Variants in AOPEP observed in about 807,000 individuals in gnomAD.
AOPEP encodes aminopeptidase O.
AOPEP carries 77 observed loss-of-function variants against 98.1 expected under a neutral mutation model. The observed-to-expected ratio is 0.78, with a 90% CI of 0.65 to 0.95. The LOEUF (loss-of-function observed/expected upper bound fraction) is 0.95. AOPEP is among the 40% of genes least tolerant of loss of function. The pLI is 0.00. For missense variants in AOPEP, 1,024 were observed against 1,024.7 expected (o/e 1.00, Z 0.01); for synonymous variants, 346 against 365.3 (o/e 0.95, Z 0.60).
chr9:94,729,710 A>G (rs1487115533), intron 1 of AOPEP, among the ~76,000 whole-genome samples: 3 of 152,108 alleles, frequency 2.0e-5, no homozygotes, highest in Non-Finnish European at 4.4e-5. Flanking sequence ...GTCTCTGCCT[A>G]TTAGATGCCT....
chr9:94,734,178 G>C (rs1185763659), intron 1 of AOPEP, among the ~76,000 whole-genome samples: 2 of 152,260 alleles, frequency 1.3e-5, no homozygotes, highest in African/African-American at 4.8e-5. Context: ...CTGCAGCGCC[G>C]GGAACATGAT....
intron 5 of AOPEP, among the ~76,000 whole-genome samples, chr9:94,881,154 T>C (rs1746057750): frequency 6.6e-6 from 1 of 152,178 alleles, no homozygotes; most frequent in African/African-American, 2.4e-5. Flanking sequence ...TTTAATAGAC[T>C]TTCCACAGCA....
At chr9:94,944,970 C>T (rs541350184) in intron 7 of AOPEP, among the ~76,000 whole-genome samples, 3 of 152,210 alleles carry the variant, frequency 2.0e-5, no homozygotes, top group Non-Finnish European at 4.4e-5. Flanking sequence ...TCTCATAATA[C>T]CCCTGTAGCC....
At chr9:95,086,095 C>G in intron 16 of AOPEP, 1 of 1,367,402 alleles carries the variant, frequency 7.3e-7, no homozygotes, top group Non-Finnish European at 9.8e-7. Flanking sequence ...GGAGTCGAGC[C>G]CTTGAGCAAA....
At chr9:94,982,737 C>T (rs747501843) in intron 11 of AOPEP, among the ~76,000 whole-genome samples, 2 of 151,974 alleles carry the variant, frequency 1.3e-5, no homozygotes, top group East Asian at 1.9e-4. Flanking sequence ...CAAACTTATT[C>T]GGGGCCTACC....
intron 1 of AOPEP, among the ~76,000 whole-genome samples, chr9:94,750,722 G>A (rs1835514401): frequency 6.6e-6 from 1 of 151,660 alleles, no homozygotes; most frequent in African/African-American, 2.4e-5. Flanking sequence ...TCATCTCCAA[G>A]GTCTGATGAT....
chr9:95,005,882 T>C, intron 13 of AOPEP: 1 of 556,156 alleles, frequency 1.8e-6, no homozygotes, highest in Non-Finnish European at 3.3e-6. Context: ...GGTTCCATTA[T>C]TATTTTAGAT....
At chr9:95,104,488 G>A in the AOPEP span, among the ~76,000 whole-genome samples, 381 of 152,258 alleles carry the variant, frequency 2.5e-3, 1 homozygote, top group Non-Finnish European at 4.4e-3. Context: ...CCGCAGCAGG[G>A]GCTGAACCAC....
downstream of AOPEP, among the ~76,000 whole-genome samples, chr9:95,088,177 A>T (rs1340043735): frequency 6.6e-6 from 1 of 150,956 alleles, no homozygotes; most frequent in Admixed American, 6.6e-5. Context: ...AGAATGAACG[A>T]TGCTTTCTCT....
At chr9:94,789,534 C>T (rs114556609) in intron 3 of AOPEP, among the ~76,000 whole-genome samples, 3,049 of 152,206 alleles carry the variant, frequency 0.02, 50 homozygotes, top group African/African-American at 0.043. Context: ...TCCATCTGCA[C>T]GCTCCTTTCT....
At chr9:94,773,669 G>A (rs1198330459) in intron 3 of AOPEP, among the ~76,000 whole-genome samples, 1 of 152,216 alleles carries the variant, frequency 6.6e-6, no homozygotes, top group Non-Finnish European at 1.5e-5. Context: ...AAGATGGAAG[G>A]CAGTGCTAAT....
At chr9:94,888,328 T>TGTGC (rs1350079713) in intron 5 of AOPEP, among the ~76,000 whole-genome samples, 1 of 151,872 alleles carries the variant, frequency 6.6e-6, no homozygotes, top group African/African-American at 2.4e-5. Context: ...TGTGTGTGTG[T>TGTGC]GTGTACTTTT....
In AOPEP at chr9:94,759,850, G is replaced by A; in HGVS notation, c.67G>A (p.Val23Met). 2 of 1,614,112 alleles carry A rather than the reference G, an allele frequency of 1.2e-6. No individual in the cohort carries two copies. Among genetic ancestry groups the A allele is most frequent in the South Asian group, 1.1e-5 (1 of 91,072 alleles). ...CATGGCCAACACCAGCCACATACTT[G>A]TGAAGCACTATGTACTGGATTTGGA... ...PLMANTSHIL[V>M]KHYVLDLDVD... The change falls in exon 2 of 17, where the codon GTG becomes ATG. Residue 23 changes from valine to methionine, a missense_variant. Physicochemically the swap from Val to Met is conservative, Grantham distance 21. This residue lies in a region of AOPEP where 440 missense variants were observed against 433.8 expected (regional missense o/e 1.01). Coordinates refer to ENST00000375315, the MANE Select transcript of AOPEP (RefSeq NM_001193329.3).
At chr9:94,909,309 C>T (rs927379131) in intron 5 of AOPEP, among the ~76,000 whole-genome samples, 3 of 120,972 alleles carry the variant, frequency 2.5e-5, no homozygotes, top group African/African-American at 3.2e-5. Flanking sequence ...TTTTTTCACA[C>T]AGATGTGTTC....
At chr9:95,069,027 G>C (rs1238968563) in intron 14 of AOPEP, among the ~76,000 whole-genome samples, 1 of 141,820 alleles carries the variant, frequency 7.1e-6, no homozygotes, top group Non-Finnish European at 1.6e-5. Context: ...GCACCCTTTC[G>C]TGGCTTTTGT....
chr9:94,749,053 G>A (rs989528468), intron 1 of AOPEP, among the ~76,000 whole-genome samples: 1 of 152,060 alleles, frequency 6.6e-6, no homozygotes, highest in African/African-American at 2.4e-5. Context: ...TATCTACATC[G>A]ATTTTTTGGA....
chr9:94,909,394 A>AG (rs1321974180), intron 5 of AOPEP, among the ~76,000 whole-genome samples: 1 of 149,342 alleles, frequency 6.7e-6, no homozygotes, highest in Non-Finnish European at 1.5e-5. Context: ...GAAAACAATT[A>AG]GGTAAACCAT....
At chr9:95,098,949 TC>T in the AOPEP span, 2 of 173,024 alleles carry the variant, frequency 1.2e-5, no homozygotes, top group African/African-American at 4.8e-5. Flanking sequence ...CTCGGTCTCT[TC>T]CAGGGCACAT....
At chr9:95,005,125 C>T in intron 11 of AOPEP, 33 bp from the exon 12 acceptor site, 1 of 1,096,138 alleles carries the variant, frequency 9.1e-7, no homozygotes, top group Non-Finnish European at 1.1e-6. Flanking sequence ...GCCGCTCCCG[C>T]GGTAAACTTG....
Sources: allele counts gnomAD v4.1 joint callset (sites outside exome capture counted in the v4.1 genomes callset), GRCh38; gene constraint gnomAD v4.1.1; regional missense constraint gnomAD v4.1.1; transcripts MANE v1.5; gene names NCBI Gene and HGNC (gene_info 2026-07-23, HGNC 2026-07-21).